Variants in SMYD2 observed in about 807,000 individuals in gnomAD.
SMYD2 encodes N-lysine methyltransferase SMYD2.
SMYD2 carries 53 observed loss-of-function variants against 59.1 expected under a neutral mutation model. The observed-to-expected ratio is 0.90, with a 90% confidence interval of 0.72 to 1.13. SMYD2 has a LOEUF of 1.13. Ranked by LOEUF, SMYD2 falls within the 50% of genes most tolerant of loss-of-function variation. The pLI, the probability that SMYD2 is intolerant of heterozygous loss-of-function variation, is 0.00. For synonymous variants in SMYD2, 208 were observed against 198.8 expected, an observed-to-expected ratio of 1.05 and a Z score of -0.39; for missense variants, 494 against 544.7, an observed-to-expected ratio of 0.91 and a Z score of 0.93.
intron 10 of SMYD2, chr1:214,333,207 G>C (rs904321): frequency 0.28 from 41,937 of 152,194 alleles, 6,226 homozygotes; most frequent in Non-Finnish European, 0.33. Flanking sequence ...TTTTCTCCTA[G>C]AGTGTGTGAG....
At chr1:214,300,688 G>T (rs1248688588) in intron 1 of SMYD2, among the ~76,000 whole-genome samples, 1 of 152,176 alleles carries the variant, frequency 6.6e-6, no homozygotes, top group East Asian at 1.9e-4. Context: ...CAGCACTCAA[G>T]GAAGGATGCT....
At chr1:214,306,042 T>C (rs1363521162) in intron 2 of SMYD2, among the ~76,000 whole-genome samples, 3 of 152,234 alleles carry the variant, frequency 2.0e-5, no homozygotes, top group Non-Finnish European at 4.4e-5. Flanking sequence ...TGTGAATTTC[T>C]AAGCCTTCTT....
At chr1:214,327,400 GA>G (rs1196777430) in intron 6 of SMYD2, 1 of 482,386 alleles carries the variant, frequency 2.1e-6, no homozygotes, top group Non-Finnish European at 3.8e-6. Flanking sequence ...GATAGTACTT[GA>G]ATTGTGGATT....
At chr1:214,332,665 C>T (rs1482139028) in intron 10 of SMYD2, 1 of 153,172 alleles carries the variant, frequency 6.5e-6, no homozygotes, top group Non-Finnish European at 1.5e-5. Context: ...ATCTAATCTC[C>T]CCACCCCAGG....
chr1:214,282,293 CAGAG>C (rs755074195), intron 1 of SMYD2, among the ~76,000 whole-genome samples: 5 of 152,130 alleles, frequency 3.3e-5, no homozygotes, highest in South Asian at 2.1e-4. Flanking sequence ...AACTAAAGCC[CAGAG>C]AGAAAGTGGA....
Position 214,336,705 on chromosome 1 carries a change from C to A in SMYD2, c.1223C>A (p.Ala408Asp). Residue 408 changes from alanine to aspartate, a missense_variant and splice_region_variant, in exon 12 of 12, where the codon GCC becomes GAC. By Grantham distance (126) the Ala-to-Asp change is moderately radical. Coordinates refer to ENST00000366957, the MANE Select transcript of SMYD2 (RefSeq NM_020197.3). ...ATTGTTTGTCTTGCTTTTTCCTAGG[C>A]CATTGCAATCATGGAAGTAGCTCAC... is the stretch of plus-strand genomic sequence containing the variant. ...KAAGEKALKK[A>D]IAIMEVAHGK... is the part of the protein sequence containing the mutation. 1 of 1,613,356 alleles carries A rather than the reference C, an allele frequency of 6.2e-7. No homozygotes were observed. Among genetic ancestry groups the A allele is most frequent in the Non-Finnish European group, 8.5e-7 (1 of 1,179,786 alleles).
rs756823866 is a variant in SMYD2, at chr1:214,299,465, TTA to T, written c.174-5705_174-5704del. The stretch of plus-strand genomic sequence containing the variant: ...AACAGTGAACTGGATAAAGAAAACA[TTA>T]TATATATATATATATACACCATAGA... On this transcript the variant is annotated intron_variant, in intron 1 of 11. Transcript: ENST00000366957. Among the ~76,000 whole-genome samples, 144 of 71,562 alleles carry T rather than the reference TTA, an allele frequency of 2.0e-3. 5 individuals carry two copies. The South Asian group carries it at 0.052, about 26-fold the overall frequency. The allele number at this position is 71,562 out of a possible 152,430, so 46.9% of individuals were successfully genotyped here. A position where few individuals can be genotyped will look rare whatever the true frequency, so the allele number is the denominator to read the frequency against.
intron 2 of SMYD2, among the ~76,000 whole-genome samples, chr1:214,306,840 G>A (rs1003073987): frequency 6.6e-6 from 1 of 152,182 alleles, no homozygotes; most frequent in African/African-American, 2.4e-5. Flanking sequence ...GGTCCCAGGA[G>A]CAGGTCCTGG....
chr1:214,292,645 TTAA>T (rs1191298643), intron 1 of SMYD2, among the ~76,000 whole-genome samples: 2 of 152,332 alleles, frequency 1.3e-5, no homozygotes, highest in Non-Finnish European at 2.9e-5. Context: ...ATCACCTCTC[TTAA>T]TATGCAACTG....
intron 1 of SMYD2, among the ~76,000 whole-genome samples, chr1:214,294,156 T>A (rs1656683730): frequency 6.6e-6 from 1 of 152,192 alleles, no homozygotes; most frequent in South Asian, 2.1e-4. Flanking sequence ...TTCAGAGAAA[T>A]ACAAATGGAA....
At chr1:214,327,326 A>G (rs1657279111) in intron 6 of SMYD2, among the ~76,000 whole-genome samples, 1 of 152,244 alleles carries the variant, frequency 6.6e-6, no homozygotes, top group African/African-American at 2.4e-5. Flanking sequence ...GCTGCATTCT[A>G]TCAGGGAGGA....
rs780072357 is a variant in SMYD2, at chr1:214,305,265, A to G, written c.237+15A>G. The G allele has an allele frequency of 1.1e-5, 17 of 1,613,226 alleles. No homozygotes were observed. Among genetic ancestry groups the G allele is most frequent in the Non-Finnish European group, 1.3e-5 (15 of 1,179,274 alleles). ...TGGAGTGTCAGGTAGGTGCTGGGCCATTGGCAGGGAGGGCCTAATTTCCTC... is the reference window on the plus strand; with the variant it reads ...TGGAGTGTCAGGTAGGTGCTGGGCCGTTGGCAGGGAGGGCCTAATTTCCTC... On this transcript the variant is annotated intron_variant, in intron 2 of 11. Coordinates refer to ENST00000366957, the MANE Select transcript of SMYD2 (RefSeq NM_020197.3).
At chr1:214,336,156 T>A (rs11120300) in intron 11 of SMYD2, among the ~76,000 whole-genome samples, 57,388 of 127,034 alleles carry the variant, frequency 0.45, 11,237 homozygotes, top group African/African-American at 0.54. Flanking sequence ...ACATCGTTTC[T>A]CCAGCTGGAT....
At chr1:214,285,804 G>A (rs571593455) in intron 1 of SMYD2, among the ~76,000 whole-genome samples, 8 of 152,284 alleles carry the variant, frequency 5.3e-5, no homozygotes, top group South Asian at 4.2e-4. Context: ...ACAAAGCTAC[G>A]TGAGAGAGTC....
intron 2 of SMYD2, 33 bp downstream of exon 2, chr1:214,305,283 A>G: frequency 6.3e-7 from 1 of 1,596,544 alleles, no homozygotes; most frequent in Non-Finnish European, 8.6e-7. Flanking sequence ...GGAGGGCCTA[A>G]TTTCCTCTGA....
At chr1:214,303,225 C>T (rs1196169545) in intron 1 of SMYD2, among the ~76,000 whole-genome samples, 1 of 152,160 alleles carries the variant, frequency 6.6e-6, no homozygotes, top group East Asian at 1.9e-4. Context: ...TTACCTATTT[C>T]CTGACACACC....
At chr1:214,324,963 C>T (rs3767842) in intron 6 of SMYD2, among the ~76,000 whole-genome samples, 44,853 of 152,066 alleles carry the variant, frequency 0.29, 6,961 homozygotes, top group Non-Finnish European at 0.34. Flanking sequence ...TTTTATAGCG[C>T]GCATAGAAGG....
Position 214,332,157 on chromosome 1 carries a change from C to G in SMYD2, c.1077C>G (p.Ala359=), listed in dbSNP as rs138541019. ...TGTACATGCAGGACTGGGAAGGAGCCCTGCAATATGGACAGAAAATCATTA... is the reference window on the plus strand; with the variant it reads ...TGTACATGCAGGACTGGGAAGGAGCGCTGCAATATGGACAGAAAATCATTA... ...VCLYMQDWEG[A]LQYGQKIIKP... Residue 359 remains alanine (A), a synonymous_variant, in exon 10 of 12, where the codon GCC becomes GCG. Transcript: ENST00000366957. 3.1e-5 allele frequency: 50 copies of G among 1,614,150 alleles called. No individual in the cohort carries two copies. In the African/African-American group the frequency reaches 6.3e-4, roughly 20 times the overall value.
At chr1:214,327,371 GT>G in intron 6 of SMYD2, 2 of 411,296 alleles carry the variant, frequency 4.9e-6, no homozygotes, top group Non-Finnish European at 4.5e-6. Flanking sequence ...GCTGTTGTGT[GT>G]TTTTTGGTTT....
Sources: gnomAD v4.1 joint callset for allele counts (sites outside exome capture counted in the v4.1 genomes callset) on GRCh38, gnomAD v4.1.1 for gene constraint, MANE v1.5 for transcripts, NCBI Gene and HGNC (gene_info 2026-07-23, HGNC 2026-07-21) for gene names.